Variants in ARHGAP22 observed in about 807,000 individuals in gnomAD.
ARHGAP22 encodes Rho GTPase activating protein 22.
In ARHGAP22, 48 loss-of-function variants were observed where a neutral mutation model predicts 59.1. That is an observed-to-expected ratio of 0.81 (90% confidence interval 0.64 to 1.03). The LOEUF is 1.03. ARHGAP22 is among the 50% of genes least tolerant of loss of function. The probability of loss-of-function intolerance (pLI) is 0.00; values close to 1 mark genes in which losing one functional copy is unlikely to be tolerated. For missense variants in ARHGAP22, 1,015 were observed against 958.7 expected (o/e 1.06, Z -0.78); for synonymous variants, 445 against 416.4 (o/e 1.07, Z -0.84).
intron 3 of ARHGAP22, among the ~76,000 whole-genome samples, chr10:48,495,350 C>A (rs2050807867): frequency 6.6e-6 from 1 of 152,170 alleles, no homozygotes; most frequent in Non-Finnish European, 1.5e-5. Context: ...GTCCTCACAA[C>A]CACCTGATAT....
the ARHGAP22 span, chr10:48,431,250 G>A: frequency 1.7e-5 from 27 of 1,611,078 alleles, no homozygotes; most frequent in South Asian, 3.3e-5. Flanking sequence ...GGAGTTATAC[G>A]GGGGCAGCCC....
chr10:48,457,711 C>G (rs1218463629), intron 5 of ARHGAP22, among the ~76,000 whole-genome samples: 1 of 152,088 alleles, frequency 6.6e-6, no homozygotes, highest in Non-Finnish European at 1.5e-5. Flanking sequence ...GGCTTCCAGG[C>G]CTGGTGAGGC....
chr10:48,464,437 C>A (rs764100253), intron 4 of ARHGAP22, among the ~76,000 whole-genome samples: 7 of 152,228 alleles, frequency 4.6e-5, no homozygotes, highest in Non-Finnish European at 7.3e-5. Flanking sequence ...GGGTCCTGGG[C>A]ACTTCTAGAG....
intron 3 of ARHGAP22, among the ~76,000 whole-genome samples, chr10:48,541,315 T>C (rs1272295024): frequency 6.6e-6 from 1 of 152,160 alleles, no homozygotes; most frequent in Non-Finnish European, 1.5e-5. Context: ...CTAGCTGAGA[T>C]CACTCATAAA....
upstream of ARHGAP22, among the ~76,000 whole-genome samples, chr10:48,655,062 T>TTCCCTCCC (rs1490998373): frequency 2.6e-3 from 35 of 13,248 alleles, 6 homozygotes; most frequent in African/African-American, 9.4e-3. Flanking sequence ...TTCTCCTTCC[T>TTCCCTCCC]TCCCTCCTTC....
intron 1 of ARHGAP22, among the ~76,000 whole-genome samples, chr10:48,591,950 G>C (rs868276026): frequency 6.6e-6 from 1 of 152,292 alleles, no homozygotes; most frequent in Middle Eastern, 3.4e-3. Flanking sequence ...GCTCACCTCT[G>C]TCCTGCAGAG....
At chr10:48,431,959 A>G in the ARHGAP22 span, among the ~76,000 whole-genome samples, 2 of 151,992 alleles carry the variant, frequency 1.3e-5, no homozygotes, top group East Asian at 1.9e-4. Context: ...CACACATGTT[A>G]TGGATGAGGA....
chr10:48,498,189 C>T (rs1036097399), intron 3 of ARHGAP22, among the ~76,000 whole-genome samples: 3 of 152,134 alleles, frequency 2.0e-5, no homozygotes, highest in African/African-American at 4.8e-5. Context: ...AAGGAGAAAG[C>T]TGGCCCGAGC....
intron 1 of ARHGAP22, among the ~76,000 whole-genome samples, chr10:48,584,427 G>A (rs1405706116): frequency 6.6e-6 from 1 of 152,076 alleles, no homozygotes; most frequent in Non-Finnish European, 1.5e-5. Context: ...TTCCTCCATG[G>A]AGGCTTCCTT....
intron 3 of ARHGAP22, among the ~76,000 whole-genome samples, chr10:48,504,958 C>T (rs114016555): frequency 0.014 from 2,203 of 152,242 alleles, 62 homozygotes; most frequent in African/African-American, 0.05. Flanking sequence ...TGAGTGGAGC[C>T]TAGGCAGGCA....
Position 48,503,074 on chromosome 10 carries a change from A to C in ARHGAP22, c.323-23310T>G, listed in dbSNP as rs546254641. The stretch of plus-strand genomic sequence containing the variant: ...GTCTCCTGACCTTGGAGAAGCCAGG[A>C]CTTGGCCAGGCCTCCGCAGTAAGAA... On this transcript the variant is annotated intron_variant, in intron 3 of 9. Coordinates refer to ENST00000249601, the MANE Select transcript of ARHGAP22 (RefSeq NM_021226.4). 3.2e-4 allele frequency among the ~76,000 whole-genome samples: 49 copies of C among 152,344 alleles called. No homozygotes were observed. In the South Asian group the frequency reaches 9.7e-3, roughly 30 times the overall value.
At chr10:48,524,114 C>A in intron 3 of ARHGAP22, 1 of 1,333,652 alleles carries the variant, frequency 7.5e-7, no homozygotes, top group Non-Finnish European at 9.6e-7. Flanking sequence ...TGGCAGCCGC[C>A]CGCGGCCCCG....
At position 48,621,139 on chromosome 10, in the gene ARHGAP22, C is replaced by T. The variant is rs575075689; in HGVS notation, c.52+31095G>A. On this transcript the variant is annotated intron_variant, in intron 1 of 9. Transcript: ENST00000435790. ...TATTCCTACATACCTTTGTCTTAGA[C>T]TCTTTCATTGTATATGAAAGTACAT... Among the ~76,000 whole-genome samples the T allele has an allele frequency of 3.3e-5, 5 of 152,366 alleles. No homozygotes were observed. The South Asian group carries it at 1.0e-3, about 32-fold the overall frequency.
the ARHGAP22 span, chr10:48,435,354 A>G: frequency 4.7e-6 from 1 of 212,968 alleles, no homozygotes; most frequent in African/African-American, 2.3e-5. Flanking sequence ...AATTTGTAAG[A>G]TTTTGTTTAT....
chr10:48,523,679 G>T (rs927073199), intron 3 of ARHGAP22, among the ~76,000 whole-genome samples: 1 of 152,040 alleles, frequency 6.6e-6, no homozygotes, highest in Non-Finnish European at 1.5e-5. Context: ...CCTGCGAGCG[G>T]GTCTGGGCGC....
chr10:48,628,234 G>A (rs2061514666), intron 1 of ARHGAP22, among the ~76,000 whole-genome samples: 1 of 152,230 alleles, frequency 6.6e-6, no homozygotes, highest in East Asian at 1.9e-4. Context: ...CCTGGTGGCA[G>A]GTCTACCATT....
At chr10:48,623,364 A>AT (rs2061346709) in intron 1 of ARHGAP22, among the ~76,000 whole-genome samples, 1 of 152,172 alleles carries the variant, frequency 6.6e-6, no homozygotes, top group Non-Finnish European at 1.5e-5. Context: ...AGCTCTGTGT[A>AT]TTTTAGCTTT....
At position 48,625,693 on chromosome 10, in the gene ARHGAP22, T is replaced by TACACACAC. The variant is rs56897057; in HGVS notation, c.52+26533_52+26540dup. ...AAAGGAAGGGCCTCCCTGCAACGTG[T>TACACACAC]ACACACACACACACACACACACACA... is the stretch of plus-strand genomic sequence containing the variant. On this transcript the variant is annotated intron_variant, in intron 1 of 9. Coordinates refer to the ARHGAP22 transcript ENST00000435790. 4.5e-3 allele frequency among the ~76,000 whole-genome samples: 631 copies of TACACACAC among 138,954 alleles called. 4 individuals carry two copies. The highest frequency in any genetic ancestry group is 8.5e-3 in the South Asian group (34 of 4,020). The allele number at this position is 138,954 out of a possible 152,430, so 91.2% of individuals were successfully genotyped here.
At chr10:48,601,075 A>C (rs1589107570) in intron 1 of ARHGAP22, among the ~76,000 whole-genome samples, 1 of 152,346 alleles carries the variant, frequency 6.6e-6, no homozygotes, top group East Asian at 1.9e-4. Context: ...TCACCTAATT[A>C]GGTGACTGTT....
Sources: gnomAD v4.1 joint callset for allele counts (sites outside exome capture counted in the v4.1 genomes callset) on GRCh38, gnomAD v4.1.1 for gene constraint, MANE v1.5 for transcripts, NCBI Gene and HGNC (gene_info 2026-07-23, HGNC 2026-07-21) for gene names.